GTF2E1: variants seen among roughly 807,000 people sequenced by gnomAD.
GTF2E1 encodes the protein TFIIE alpha subunit.
GTF2E1 carries 14 observed loss-of-function variants against 34.9 expected under a neutral mutation model. The ratio of observed to expected loss-of-function variants is 0.40; its 90% CI spans 0.27 to 0.63. GTF2E1 has a LOEUF of 0.63. Among genes scored for constraint, GTF2E1 ranks in the 20% least tolerant of loss-of-function variants. The pLI, the probability that GTF2E1 is intolerant of heterozygous loss-of-function variation, is 0.39. For synonymous variants in GTF2E1, 188 were observed against 192.9 expected (o/e 0.97, Z 0.21); for missense variants, 469 against 557.7 (o/e 0.84, Z 1.60).
intron 3 of GTF2E1, among the ~76,000 whole-genome samples, chr3:120,771,381 A>G (rs1709350513): frequency 6.6e-6 from 1 of 152,156 alleles, no homozygotes. Flanking sequence ...AAAGTAAAGT[A>G]TAGCTGGTGT....
At chr3:120,750,132 G>A (rs903558105) in intron 1 of GTF2E1, among the ~76,000 whole-genome samples, 1 of 152,110 alleles carries the variant, frequency 6.6e-6, no homozygotes, top group African/African-American at 2.4e-5. Context: ...ACTCAAGAAA[G>A]GAAACAAAGA....
intron 2 of GTF2E1, among the ~76,000 whole-genome samples, chr3:120,766,250 G>T (rs1319496407): frequency 2.0e-5 from 3 of 152,096 alleles, no homozygotes; most frequent in Non-Finnish European, 4.4e-5. Flanking sequence ...TTCCACTGGG[G>T]ATTTTTATGC....
At chr3:120,765,138 G>T (rs1709296893) in intron 2 of GTF2E1, among the ~76,000 whole-genome samples, 1 of 145,786 alleles carries the variant, frequency 6.9e-6, no homozygotes, top group Non-Finnish European at 1.5e-5. Context: ...TTCTGCCACT[G>T]TCCCCCTCAT....
Position 120,781,301 on chromosome 3 carries a change from A to G in GTF2E1, c.1151A>G (p.Asp384Gly), listed in dbSNP as rs989163636. 1.2e-6 allele frequency: 2 copies of G among 1,614,052 alleles called. No individual in the cohort carries two copies. Among genetic ancestry groups the G allele is most frequent in the South Asian group, 2.2e-5 (2 of 91,080 alleles). The stretch of plus-strand genomic sequence containing the variant: ...AAACGAGAAGAGGATGAAGAGGAAG[A>G]TGACGAGTTTGAAGAAGTAGCAGAT... ...VHKREEDEEE[D>G]DEFEEVADDP... Residue 384 changes from aspartate to glycine, a missense_variant, in exon 5 of 5, where the codon GAT becomes GGT. By Grantham distance (94) the Asp-to-Gly change is moderately conservative. Coordinates refer to ENST00000283875, the MANE Select transcript of GTF2E1 (RefSeq NM_005513.3).
At chr3:120,770,655 T>G in intron 2 of GTF2E1, 73 bp from the exon 3 acceptor site, 1 of 1,017,956 alleles carries the variant, frequency 9.8e-7, no homozygotes, top group Non-Finnish European at 1.6e-6. Flanking sequence ...TAATAAGATA[T>G]TGGGGGAGGG....
intron 2 of GTF2E1, among the ~76,000 whole-genome samples, chr3:120,755,083 T>A (rs1296238220): frequency 3.3e-5 from 5 of 152,196 alleles, no homozygotes; most frequent in African/African-American, 1.2e-4. Context: ...ATTTTAGTAT[T>A]AGCATAAAGA....
Position 120,776,558 on chromosome 3 carries a change from A to G in GTF2E1, c.786A>G (p.Glu262=). ...QNVVINMDDQ[E]DLHRASLEGK... is the part of the protein sequence containing the mutation. ...TTGTCATTAACATGGATGACCAAGA[A>G]GATCTTCATCGAGCCTCACTGGAAG... is the stretch of plus-strand genomic sequence containing the variant. Residue 262 remains glutamate (E), a synonymous_variant, in exon 4 of 5, where the codon GAA becomes GAG. Coordinates refer to ENST00000283875, the MANE Select transcript of GTF2E1 (RefSeq NM_005513.3). 1 of 1,614,048 alleles carries G rather than the reference A, an allele frequency of 6.2e-7. No individual in the cohort carries two copies. Among genetic ancestry groups the G allele is most frequent in the South Asian group, 1.1e-5 (1 of 91,082 alleles).
At position 120,750,772 on chromosome 3, in the gene GTF2E1, T is replaced by C. The variant is rs747631690; in HGVS notation, c.220T>C (p.Cys74Arg). 2 of 1,614,014 alleles carry C rather than the reference T, an allele frequency of 1.2e-6. No homozygotes were observed. The highest frequency in any genetic ancestry group is 2.2e-5 in the South Asian group (2 of 91,084). ...NNLKGDKFIK[C>R]RMRVETAADG... ...TTTAAAGGGAGACAAGTTTATCAAA[T>C]GCAGAATGAGGGTAGAGACTGCTGC... Residue 74 changes from cysteine (C) to arginine (R), a missense_variant, in exon 2 of 5, where the codon TGC (cysteine) becomes CGC (arginine). Transcript: ENST00000283875.
At chr3:120,745,637 G>A (rs1709098693) in intron 1 of GTF2E1, among the ~76,000 whole-genome samples, 1 of 152,218 alleles carries the variant, frequency 6.6e-6, no homozygotes, top group African/African-American at 2.4e-5. Flanking sequence ...GGCATGGCAT[G>A]TATGGGGCAG....
Position 120,776,584 on chromosome 3 carries a change from G to A in GTF2E1, c.812G>A (p.Gly271Glu). Reference protein sequence around the residue: ...QEDLHRASLEGKSAKERPIWL... With the variant: ...QEDLHRASLEEKSAKERPIWL... ...GATCTTCATCGAGCCTCACTGGAAGGGAAATCTGCCAAAGAGAGGCCTATT... is the reference window on the plus strand; with the variant it reads ...GATCTTCATCGAGCCTCACTGGAAGAGAAATCTGCCAAAGAGAGGCCTATT... Residue 271 changes from glycine to glutamate, a missense_variant, in exon 4 of 5, where the codon GGG (glycine) becomes GAG (glutamate). Gly to Glu is a moderately conservative substitution (Grantham distance 98). Coordinates refer to ENST00000283875, the MANE Select transcript of GTF2E1 (RefSeq NM_005513.3). The A allele has an allele frequency of 6.2e-7, 1 of 1,613,744 alleles. No individual in the cohort carries two copies. Among genetic ancestry groups the A allele is most frequent in the Non-Finnish European group, 8.5e-7 (1 of 1,179,732 alleles).
rs745910011 is a variant in GTF2E1 at position 120,770,922 on chromosome 3, A to C, written c.643A>C (p.Lys215Gln). The part of the protein sequence containing the change: ...EPEPTEIPAL[K>Q]QSKDHAATTA... ...AGAACCCACAGAAATCCCAGCCCTG[A>C]AACAGAGGTGAGTGTAGGCCCTGTG... is the stretch of plus-strand genomic sequence containing the variant. Residue 215 changes from lysine (K) to glutamine (Q), a missense_variant, in exon 3 of 5, where the codon AAA becomes CAA. Physicochemically the swap from Lys to Gln is moderately conservative, Grantham distance 53. Transcript: ENST00000283875. 1 of 1,613,040 alleles carries C rather than the reference A, an allele frequency of 6.2e-7. No homozygotes were observed. Among genetic ancestry groups the C allele is most frequent in the Non-Finnish European group, 8.5e-7 (1 of 1,179,098 alleles).
intron 1 of GTF2E1, among the ~76,000 whole-genome samples, chr3:120,745,166 T>G (rs1281015663): frequency 2.0e-5 from 3 of 152,206 alleles, no homozygotes; most frequent in Non-Finnish European, 2.9e-5. Flanking sequence ...CCTCCCAAAG[T>G]GTTGCAATTA....
At chr3:120,772,082 A>C (rs1709356410) in intron 3 of GTF2E1, among the ~76,000 whole-genome samples, 1 of 152,174 alleles carries the variant, frequency 6.6e-6, no homozygotes, top group African/African-American at 2.4e-5. Context: ...GAGCTAGTCT[A>C]ATATGGCCAT....
chr3:120,781,437 G>C lies in GTF2E1; in HGVS notation c.1287G>C (p.Met429Ile). 6.2e-7 allele frequency: 1 copy of C among 1,613,906 alleles called. No homozygotes were observed. Among genetic ancestry groups the C allele is most frequent in the Non-Finnish European group, 8.5e-7 (1 of 1,179,814 alleles). Residue 429 changes from methionine to isoleucine, a missense_variant, in exon 5 of 5, where the codon ATG (methionine) becomes ATC (isoleucine). Coordinates refer to ENST00000283875, the MANE Select transcript of GTF2E1 (RefSeq NM_005513.3). ...AAGAAAAGGAAGCATATATAGCAAT[G>C]GGACAACGCATGTTTGAGGACCTCT... Reference protein sequence around the residue: ...TPEEKEAYIAMGQRMFEDLFE With the variant: ...TPEEKEAYIAIGQRMFEDLFE
Position 120,754,801 on chromosome 3 carries a change from AAAG to A in GTF2E1, c.448+3804_448+3806del, listed in dbSNP as rs1709194681. 1.1e-4 allele frequency among the ~76,000 whole-genome samples: 16 copies of A among 152,216 alleles called. No homozygotes were observed. In the South Asian group the frequency reaches 3.3e-3, roughly 32 times the overall value. On this transcript the variant is annotated intron_variant, in intron 2 of 4. Transcript: ENST00000283875. ...TGAGATAATTTAATTTTTTTTTAAA[AAAG>A]AATCTTATAAATGTATATTTAATAA...
intron 2 of GTF2E1, among the ~76,000 whole-genome samples, chr3:120,770,234 T>A (rs1456320873): frequency 6.6e-6 from 1 of 152,142 alleles, no homozygotes; most frequent in East Asian, 1.9e-4. Context: ...TTTAGCATAA[T>A]AGATTGAATT....
chr3:120,771,572 C>G (rs1368191403), intron 3 of GTF2E1, among the ~76,000 whole-genome samples: 1 of 151,628 alleles, frequency 6.6e-6, no homozygotes, highest in East Asian at 1.9e-4. Context: ...TTTTTTTTCT[C>G]TCCCTCTTCC....
chr3:120,749,217 C>T (rs1334597096), intron 1 of GTF2E1, among the ~76,000 whole-genome samples: 6 of 151,904 alleles, frequency 3.9e-5, no homozygotes, highest in East Asian at 1.9e-4. Context: ...AATTTGACTT[C>T]CTCTTTTCCT....
intron 2 of GTF2E1, among the ~76,000 whole-genome samples, chr3:120,768,866 A>G (rs1239131180): frequency 6.6e-6 from 1 of 152,184 alleles, no homozygotes; most frequent in Non-Finnish European, 1.5e-5. Flanking sequence ...TACCAAATAT[A>G]AAAGCTAGTT....
Sources: gnomAD v4.1 joint callset for allele counts (sites outside exome capture counted in the v4.1 genomes callset) on GRCh38, gnomAD v4.1.1 for gene constraint, MANE v1.5 for transcripts, NCBI Gene and HGNC (gene_info 2026-07-23, HGNC 2026-07-21) for gene names.